Variants in EVA1C observed in about 807,000 individuals in gnomAD.
EVA1C encodes eva-1 homolog C, also known as protein eva-1 homolog C.
EVA1C carries 25 observed loss-of-function variants against 45.4 expected under a neutral mutation model. The observed-to-expected ratio is 0.55, with a 90% CI of 0.40 to 0.77. The LOEUF is 0.77. EVA1C is among the 30% of genes least tolerant of loss of function. The pLI, the probability that EVA1C is intolerant of heterozygous loss-of-function variation, is 0.00. For missense variants in EVA1C, 479 were observed against 554.8 expected (o/e 0.86, Z 1.37); for synonymous variants, 190 against 221.2 (o/e 0.86, Z 1.25).
chr21:32,493,391 C>G lies in EVA1C; in HGVS notation c.635-1636C>G, dbSNP rs188471246. Among the ~76,000 whole-genome samples, 130 of 152,270 alleles carry G rather than the reference C, an allele frequency of 8.5e-4. 1 individual carries two copies. Among genetic ancestry groups the G allele is most frequent in the African/African-American group, 3.0e-3 (123 of 41,540 alleles). ...GTAAAGTCTGAATTCTTTAGCTAAG[C>G]CTTTGAAAGTGTCTCTGTCTTGTTC... On this transcript the variant is annotated intron_variant, in intron 4 of 7. Transcript: ENST00000300255.
chr21:32,488,735 G>A (rs1227186166), intron 4 of EVA1C, among the ~76,000 whole-genome samples: 2 of 151,988 alleles, frequency 1.3e-5, no homozygotes, highest in East Asian at 1.9e-4. Flanking sequence ...ACAGGCACAC[G>A]CCACCACACC....
At chr21:32,485,191 C>CT (rs374205281) in intron 4 of EVA1C, among the ~76,000 whole-genome samples, 66 of 151,574 alleles carry the variant, frequency 4.4e-4, no homozygotes, top group East Asian at 2.5e-3. Flanking sequence ...TGATCACTCT[C>CT]TTTTTTTTTG....
At chr21:32,451,264 C>T (rs2035569594) in intron 1 of EVA1C, among the ~76,000 whole-genome samples, 3 of 152,174 alleles carry the variant, frequency 2.0e-5, no homozygotes, top group Admixed American at 2.0e-4. Flanking sequence ...TTCACGCCAC[C>T]TCCTCCCTTC....
intron 4 of EVA1C, among the ~76,000 whole-genome samples, chr21:32,478,409 C>T (rs1394975131): frequency 3.3e-5 from 5 of 151,974 alleles, no homozygotes; most frequent in Non-Finnish European, 5.9e-5. Context: ...TTAGTAAAGA[C>T]GGGGTTTCAC....
chr21:32,426,161 C>G (rs1216510086), intron 1 of EVA1C, among the ~76,000 whole-genome samples: 1 of 152,120 alleles, frequency 6.6e-6, no homozygotes, highest in East Asian at 1.9e-4. Context: ...TTCCCCCTTC[C>G]TTTCCTCCAA....
intron 1 of EVA1C, among the ~76,000 whole-genome samples, chr21:32,414,460 C>T (rs1248408309): frequency 6.6e-6 from 1 of 152,184 alleles, no homozygotes; most frequent in Admixed American, 6.5e-5. Flanking sequence ...TTTGTGACAT[C>T]ATTGCAACTG....
chr21:32,454,431 G>A (rs1045739094), intron 2 of EVA1C, among the ~76,000 whole-genome samples: 1 of 152,056 alleles, frequency 6.6e-6, no homozygotes, highest in Non-Finnish European at 1.5e-5. Context: ...TCTTTTTGTG[G>A]TTGGCATATT....
chr21:32,438,343 A>G (rs1330394754), intron 1 of EVA1C, among the ~76,000 whole-genome samples: 2 of 152,000 alleles, frequency 1.3e-5, no homozygotes, highest in Non-Finnish European at 2.9e-5. Context: ...CTAAAAATAC[A>G]AAAATTAGCT....
intron 7 of EVA1C, among the ~76,000 whole-genome samples, chr21:32,504,301 A>G (rs1411362459): frequency 6.6e-6 from 1 of 152,232 alleles, no homozygotes; most frequent in African/African-American, 2.4e-5. Flanking sequence ...CGAGGAATGC[A>G]TTTCCCAGCT....
intron 4 of EVA1C, among the ~76,000 whole-genome samples, chr21:32,492,462 A>G (rs2037195536): frequency 6.6e-6 from 1 of 152,068 alleles, no homozygotes; most frequent in Non-Finnish European, 1.5e-5. Flanking sequence ...GGTCCTGGGA[A>G]CTGGGGAGAG....
chr21:32,427,986 A>G (rs780170392), intron 1 of EVA1C, among the ~76,000 whole-genome samples: 1 of 152,044 alleles, frequency 6.6e-6, no homozygotes, highest in Non-Finnish European at 1.5e-5. Flanking sequence ...TACTTTATGT[A>G]GAGTGCACAG....
At chr21:32,465,917 G>A (rs1263020208) in intron 3 of EVA1C, among the ~76,000 whole-genome samples, 2 of 152,148 alleles carry the variant, frequency 1.3e-5, no homozygotes, top group African/African-American at 2.4e-5. Context: ...TAGTGCAACC[G>A]TGACCACAGT....
intron 1 of EVA1C, among the ~76,000 whole-genome samples, chr21:32,443,468 C>T (rs747433091): frequency 2.6e-5 from 4 of 152,166 alleles, no homozygotes; most frequent in African/African-American, 4.8e-5. Flanking sequence ...ACCCAGGAGG[C>T]GGAGGTTGCA....
chr21:32,495,098 G>A lies in EVA1C; in HGVS notation c.706G>A (p.Val236Ile), dbSNP rs139276987. The change falls in exon 5 of 8, where the codon GTC becomes ATC. Residue 236 changes from valine (V) to isoleucine (I), a missense_variant. Transcript: ENST00000300255. Reference protein sequence around the residue: ...CYGKQRCKIIVNNHHFGSPCL... With the variant: ...CYGKQRCKIIINNHHFGSPCL... ...TGGGAAGCAGAGATGCAAAATCATC[G>A]TCAACAATCACCATTTTGGAAGCCC... is the stretch of plus-strand genomic sequence containing the variant. 112 of 1,613,764 alleles carry A rather than the reference G, an allele frequency of 6.9e-5. No individual in the cohort carries two copies. The African/African-American group carries it at 1.2e-3, about 17-fold the overall frequency.
intron 1 of EVA1C, among the ~76,000 whole-genome samples, chr21:32,449,042 A>C (rs2035477917): frequency 6.6e-6 from 1 of 151,858 alleles, no homozygotes; most frequent in Admixed American, 6.6e-5. Context: ...GAAGGAAGGA[A>C]AAGGAAAGAA....
chr21:32,477,824 C>A lies in EVA1C; in HGVS notation c.634+9976C>A, dbSNP rs191156603. ...CCCCTCCCCTCCCCCGTACGCCCTC[C>A]CCTCCCCCGTACGCCCTCACCTCCC... On this transcript the variant is annotated intron_variant, in intron 4 of 7. Transcript: ENST00000300255. 4.4e-4 allele frequency among the ~76,000 whole-genome samples: 5 copies of A among 11,364 alleles called. 2 individuals are homozygous for A. Among genetic ancestry groups the A allele is most frequent in the South Asian group, 4.5e-3 (1 of 222 alleles). The allele number at this position is 11,364 out of a possible 152,430, so 7.5% of individuals were successfully genotyped here.
At chr21:32,457,859 A>G in intron 3 of EVA1C, 139 bp downstream of exon 3, 1 of 896,360 alleles carries the variant, frequency 1.1e-6, no homozygotes, top group Non-Finnish European at 1.7e-6. Flanking sequence ...CATCCTACCC[A>G]GTTTTTTAGA....
chr21:32,494,669 G>T (rs925694042), intron 4 of EVA1C, among the ~76,000 whole-genome samples: 1 of 152,050 alleles, frequency 6.6e-6, no homozygotes, highest in Non-Finnish European at 1.5e-5. Context: ...TGTAGTCCCA[G>T]CTACTGGGGA....
chr21:32,489,087 T>C (rs192214737), intron 4 of EVA1C, among the ~76,000 whole-genome samples: 53 of 152,372 alleles, frequency 3.5e-4, no homozygotes, highest in Non-Finnish European at 6.9e-4. Context: ...GTTTCCTTTA[T>C]TGTGCAGAAG....
Sources: gnomAD v4.1 joint callset for allele counts (sites outside exome capture counted in the v4.1 genomes callset) on GRCh38, gnomAD v4.1.1 for gene constraint, MANE v1.5 for transcripts, NCBI Gene and HGNC (gene_info 2026-07-23, HGNC 2026-07-21) for gene names.